The following ANKS6 variants were observed in gnomAD, a reference collection of about 807,000 sequenced individuals.
ANKS6 encodes ankyrin repeat and SAM domain-containing protein 6.
Under a neutral mutation model 77.9 loss-of-function variants are expected in ANKS6, and 47 were observed. That is an observed-to-expected ratio of 0.60 (90% CI 0.48 to 0.77). The LOEUF (loss-of-function observed/expected upper bound fraction) is 0.77, where lower values mean the gene tolerates loss of function less well. Ranked by LOEUF, ANKS6 falls within the 30% of genes least tolerant of loss-of-function variation. The pLI, the probability that ANKS6 is intolerant of heterozygous loss-of-function variation, is 0.00. For missense variants in ANKS6, 1,150 were observed against 1,159.1 expected (o/e 0.99, Z 0.11); for synonymous variants, 488 against 501.7 (o/e 0.97, Z 0.37).
At chr9:98,759,738 G>A (rs1460854809) in intron 11 of ANKS6, among the ~76,000 whole-genome samples, 1 of 152,166 alleles carries the variant, frequency 6.6e-6, no homozygotes, top group Admixed American at 6.5e-5. Context: ...AATAAGCCAA[G>A]AATGGAAAGT....
At chr9:98,737,561 A>G (rs1369124696) in intron 14 of ANKS6, among the ~76,000 whole-genome samples, 1 of 152,216 alleles carries the variant, frequency 6.6e-6, no homozygotes. Flanking sequence ...AAACTAGAAA[A>G]CACTGCTGAA....
Position 98,733,113 on chromosome 9 carries a change from G to T in ANKS6, c.*3406C>A. 1 of 904,652 alleles carries T rather than the reference G, an allele frequency of 1.1e-6. No individual in the cohort carries two copies. Among genetic ancestry groups the T allele is most frequent in the Non-Finnish European group, 1.3e-6 (1 of 756,274 alleles). 56.0% of individuals were successfully genotyped at this position (904,652 alleles called of 1,614,324 possible). ...CTCTAAGATACTGTGGGGTTCCCTTGAGGGCAGAGAAGTCCTTTTTCATCT... is the reference window on the plus strand; with the variant it reads ...CTCTAAGATACTGTGGGGTTCCCTTTAGGGCAGAGAAGTCCTTTTTCATCT... On this transcript the variant is annotated 3_prime_UTR_variant, in exon 15 of 15. Transcript: ENST00000353234.
chr9:98,753,794 T>C (rs979860883), intron 12 of ANKS6, among the ~76,000 whole-genome samples: 6 of 152,186 alleles, frequency 3.9e-5, no homozygotes, highest in Non-Finnish European at 7.3e-5. Context: ...GTATGAGATA[T>C]ACACAACCTC....
At position 98,736,426 on chromosome 9, in the gene ANKS6, A is replaced by T. The variant is rs1366902195; in HGVS notation, c.*93T>A. ...GCAAAGGGAACAACATGACTAAGGC[A>T]CAGCAGTGTGACGGGGGCAGGGCTG... On this transcript the variant is annotated 3_prime_UTR_variant, in exon 15 of 15. Transcript: ENST00000353234. The T allele has an allele frequency of 4.8e-6, 7 of 1,468,326 alleles. No individual in the cohort carries two copies. The highest frequency in any genetic ancestry group is 1.4e-5 in the African/African-American group (1 of 70,586). The allele number at this position is 1,468,326 out of a possible 1,614,324, so 91.0% of individuals were successfully genotyped here. A position where few individuals can be genotyped will look rare whatever the true frequency, so the allele number is the denominator to read the frequency against.
At chr9:98,772,279 G>A (rs1833683763) in intron 9 of ANKS6, among the ~76,000 whole-genome samples, 1 of 152,152 alleles carries the variant, frequency 6.6e-6, no homozygotes, top group Admixed American at 6.5e-5. Context: ...TGACAAATGA[G>A]GAAGCAATGT....
At chr9:98,769,302 T>A (rs1302590742) in intron 10 of ANKS6, among the ~76,000 whole-genome samples, 1 of 151,874 alleles carries the variant, frequency 6.6e-6, no homozygotes, top group African/African-American at 2.4e-5. Context: ...GCAAAACATA[T>A]CAAAAACCTC....
intron 9 of ANKS6, among the ~76,000 whole-genome samples, chr9:98,771,526 A>G (rs1833627205): frequency 6.6e-6 from 1 of 151,906 alleles, no homozygotes; most frequent in Admixed American, 6.5e-5. Context: ...TCCTGGCCCC[A>G]TTGTCCCTGG....
Position 98,745,601 on chromosome 9 carries a change from C to T in ANKS6, c.2469G>A (p.Arg823=). ...CAGAAATCGCTGCCAGAATCTGCTG[C>T]CTGGACCCATCTGTCTTAATTCCCA... ...KELGIKTDGS[R]QQILAAISEL... Residue 823 remains arginine (R), a synonymous_variant, in exon 14 of 15, where the codon AGG becomes AGA. Coordinates refer to ENST00000353234, the MANE Select transcript of ANKS6 (RefSeq NM_173551.5). 1.9e-6 allele frequency: 3 copies of T among 1,614,176 alleles called. No individual in the cohort carries two copies. Among genetic ancestry groups the T allele is most frequent in the Non-Finnish European group, 2.5e-6 (3 of 1,180,038 alleles).
intron 13 of ANKS6, among the ~76,000 whole-genome samples, chr9:98,746,895 A>G (rs1017526536): frequency 6.6e-6 from 1 of 152,214 alleles, no homozygotes; most frequent in African/African-American, 2.4e-5. Context: ...TATCTGGGAG[A>G]TGGGACAAAG....
At chr9:98,749,790 G>C (rs1363950976) in intron 13 of ANKS6, among the ~76,000 whole-genome samples, 1 of 152,164 alleles carries the variant, frequency 6.6e-6, no homozygotes, top group Non-Finnish European at 1.5e-5. Flanking sequence ...GGAAAGCTAC[G>C]CGCCCTATTT....
At chr9:98,786,165 G>C (rs774701914) in intron 2 of ANKS6, among the ~76,000 whole-genome samples, 5 of 152,134 alleles carry the variant, frequency 3.3e-5, no homozygotes, top group Admixed American at 3.3e-4. Flanking sequence ...TTTTAGTAGA[G>C]ACGGGGTTTT....
chr9:98,736,498 T>C lies in ANKS6; in HGVS notation c.*21A>G, dbSNP rs772763314. On this transcript the variant is annotated 3_prime_UTR_variant, in exon 15 of 15. Transcript: ENST00000353234. ...GTCCCGGGATTCAGAGAGCTCACGC[T>C]GGTGGCTGCGGGAAGGAGGATCACG... 1.2e-5 allele frequency: 19 copies of C among 1,596,054 alleles called. No individual in the cohort carries two copies. The highest frequency in any genetic ancestry group is 1.6e-5 in the Non-Finnish European group (19 of 1,169,128).
intron 11 of ANKS6, among the ~76,000 whole-genome samples, chr9:98,766,831 G>A (rs1833323719): frequency 6.6e-6 from 1 of 152,196 alleles, no homozygotes; most frequent in Admixed American, 6.5e-5. Context: ...TTCTTTGGTG[G>A]GCAAAGGTCC....
chr9:98,774,699 CATTTAATTGTA>C (rs1833832179), intron 8 of ANKS6, among the ~76,000 whole-genome samples: 2 of 152,330 alleles, frequency 1.3e-5, no homozygotes, highest in South Asian at 4.1e-4. Flanking sequence ...CTGCTGCTGA[CATTTAATTGTA>C]ATTTAATTTT....
chr9:98,747,792 T>A (rs10739690), intron 13 of ANKS6, among the ~76,000 whole-genome samples: 2 of 151,838 alleles, frequency 1.3e-5, no homozygotes, highest in African/African-American at 4.8e-5. Context: ...CCTGTCCACC[T>A]CCACACCAGA....
At position 98,783,050 on chromosome 9, in the gene ANKS6, C is replaced by T. The variant is rs143473278; in HGVS notation, c.1113-477G>A. 2.0e-3 allele frequency among the ~76,000 whole-genome samples: 301 copies of T among 148,704 alleles called. 1 individual carries two copies. The highest frequency in any genetic ancestry group is 6.8e-3 in the Middle Eastern group (2 of 292). On this transcript the variant is annotated intron_variant, in intron 4 of 14. Transcript: ENST00000353234. ...GCAGTGAGCCATGATCACGCTACTG[C>T]ACTCCAGTCTGGCAACAAAGTGAGA...
rs146713624 is a variant in ANKS6 at position 98,768,895 on chromosome 9, C to T, written c.1973-645G>A. 3.8e-3 allele frequency among the ~76,000 whole-genome samples: 572 copies of T among 152,132 alleles called. 5 individuals carry two copies. Among genetic ancestry groups the T allele is most frequent in the South Asian group, 0.013 (65 of 4,820 alleles). ...CTGTAATCCCAGCACTTTGGGAGGC[C>T]GAGGCGGGCAGATCACAAGGTAGAG... is the stretch of plus-strand genomic sequence containing the variant. On this transcript the variant is annotated intron_variant, in intron 10 of 14. Coordinates refer to ENST00000353234, the MANE Select transcript of ANKS6 (RefSeq NM_173551.5).
At chr9:98,794,603 C>G (rs777296405) in intron 1 of ANKS6, among the ~76,000 whole-genome samples, 8 of 152,172 alleles carry the variant, frequency 5.3e-5, no homozygotes, top group Non-Finnish European at 1.0e-4. Flanking sequence ...TTAAAATACC[C>G]AGGCTCAAGA....
chr9:98,758,706 CCA>C (rs1423458034), intron 11 of ANKS6, among the ~76,000 whole-genome samples: 1 of 152,228 alleles, frequency 6.6e-6, no homozygotes, highest in Admixed American at 6.5e-5. Flanking sequence ...AACCCAACAT[CCA>C]CAGAGTTTGT....
Sources: allele counts gnomAD v4.1 joint callset (sites outside exome capture counted in the v4.1 genomes callset), GRCh38; gene constraint gnomAD v4.1.1; transcripts MANE v1.5; gene names NCBI Gene and HGNC (gene_info 2026-07-23, HGNC 2026-07-21).